ARFIP1: variants seen among roughly 807,000 people sequenced by gnomAD.
ARFIP1 encodes the protein ARF interacting protein 1.
Under a neutral mutation model 42.5 loss-of-function variants are expected in ARFIP1, and 24 were observed. The ratio of observed to expected loss-of-function variants is 0.57; its 90% CI spans 0.41 to 0.80. The LOEUF (loss-of-function observed/expected upper bound fraction) is 0.80. ARFIP1 is among the 30% of genes least tolerant of loss of function. The pLI is 0.00. For missense variants in ARFIP1, 354 were observed against 434.0 expected, an observed-to-expected ratio of 0.82 and a Z score of 1.64; for synonymous variants, 141 against 153.7, an observed-to-expected ratio of 0.92 and a Z score of 0.61.
At chr4:152,906,866 C>T (rs948512072) in intron 8 of ARFIP1, among the ~76,000 whole-genome samples, 5 of 152,110 alleles carry the variant, frequency 3.3e-5, no homozygotes, top group Non-Finnish European at 7.4e-5. Flanking sequence ...TACCTCAGGC[C>T]GTTTGAACTT....
intron 1 of ARFIP1, among the ~76,000 whole-genome samples, chr4:152,781,997 T>G (rs1017102894): frequency 5.9e-5 from 9 of 152,256 alleles, no homozygotes; most frequent in Admixed American, 5.2e-4. Context: ...CTTGATAGAT[T>G]AAAACCACCA....
chr4:152,806,899 C>T (rs11940842), intron 1 of ARFIP1, among the ~76,000 whole-genome samples: 1,735 of 150,992 alleles, frequency 0.011, 35 homozygotes, highest in African/African-American at 0.041. Flanking sequence ...AATGCAGTGG[C>T]AGAATCATAG....
intron 2 of ARFIP1, among the ~76,000 whole-genome samples, chr4:152,847,121 G>GTTTTTTTTTTTTTTTT (rs1561139273): frequency 1.9e-4 from 9 of 48,160 alleles, no homozygotes; most frequent in East Asian, 5.2e-4. Flanking sequence ...TTTTAGGTTT[G>GTTTTTTTTTTTTTTTT]TTCTTTTTTT....
At chr4:152,837,261 G>A (rs1731728597) in intron 2 of ARFIP1, among the ~76,000 whole-genome samples, 1 of 151,944 alleles carries the variant, frequency 6.6e-6, no homozygotes, top group Non-Finnish European at 1.5e-5. Context: ...TATCTTTTTT[G>A]CATGACTTCT....
intron 1 of ARFIP1, among the ~76,000 whole-genome samples, chr4:152,798,230 T>A (rs1731592290): frequency 7.2e-6 from 1 of 139,346 alleles, no homozygotes; most frequent in South Asian, 2.3e-4. Flanking sequence ...GCCACTGCAC[T>A]CCAGCCTGGG....
intron 2 of ARFIP1, among the ~76,000 whole-genome samples, chr4:152,842,283 T>C (rs969638498): frequency 2.7e-5 from 4 of 146,768 alleles, no homozygotes; most frequent in Non-Finnish European, 6.0e-5. Flanking sequence ...TTGTGTCCCC[T>C]CCCTTTGTAT....
chr4:152,788,869 G>A (rs1371582502), intron 1 of ARFIP1, among the ~76,000 whole-genome samples: 1 of 115,168 alleles, frequency 8.7e-6, no homozygotes, highest in Non-Finnish European at 1.7e-5. Flanking sequence ...TAGTGGTCAT[G>A]TATCCTTTCA....
At chr4:152,900,091 C>T (rs1022725483) in intron 8 of ARFIP1, among the ~76,000 whole-genome samples, 2 of 150,090 alleles carry the variant, frequency 1.3e-5, no homozygotes, top group Admixed American at 6.6e-5. Context: ...ATATTGATCA[C>T]GTCTAAACTT....
rs145866674 is a variant in ARFIP1 at position 152,885,246 on chromosome 4, T to C, written c.791+2366T>C. On this transcript the variant is annotated intron_variant, in intron 7 of 8. Coordinates refer to ENST00000353617, the MANE Select transcript of ARFIP1 (RefSeq NM_001025595.3). The stretch of plus-strand genomic sequence containing the variant: ...TTACTGACTTTTAGGGCAAGGGTCA[T>C]CTATTTGATCAGTGCAAAAAGTGGT... Among the ~76,000 whole-genome samples, 100 of 152,218 alleles carry C rather than the reference T, an allele frequency of 6.6e-4. 1 individual carries two copies. Among genetic ancestry groups the C allele is most frequent in the African/African-American group, 2.1e-3 (87 of 41,570 alleles).
At chr4:152,868,930 T>C (rs1734638860) in intron 3 of ARFIP1, among the ~76,000 whole-genome samples, 1 of 152,200 alleles carries the variant, frequency 6.6e-6, no homozygotes. Flanking sequence ...CTATTTTAAC[T>C]TCTCTGGGCT....
At chr4:152,850,602 C>A (rs1409279656) in intron 2 of ARFIP1, 1 of 152,158 alleles carries the variant, frequency 6.6e-6, no homozygotes, top group Non-Finnish European at 1.5e-5. Context: ...ATCAGAATCA[C>A]CTGATTTCCT....
At chr4:152,860,478 C>T (rs1464129051) in intron 2 of ARFIP1, among the ~76,000 whole-genome samples, 2 of 152,198 alleles carry the variant, frequency 1.3e-5, no homozygotes, top group African/African-American at 4.8e-5. Flanking sequence ...AAACTCCACC[C>T]TGTATCTCTC....
At chr4:152,847,246 C>T (rs1012757207) in intron 2 of ARFIP1, among the ~76,000 whole-genome samples, 11 of 148,262 alleles carry the variant, frequency 7.4e-5, no homozygotes, top group African/African-American at 2.5e-4. Context: ...TGTTCTCCTG[C>T]CTCAGCCTCC....
At chr4:152,787,186 A>AT (rs1305863001) in intron 1 of ARFIP1, among the ~76,000 whole-genome samples, 1 of 152,236 alleles carries the variant, frequency 6.6e-6, no homozygotes, top group African/African-American at 2.4e-5. Flanking sequence ...AGTTAATGGT[A>AT]TTAAGGATTT....
chr4:152,829,521 A>T (rs1023493567), intron 1 of ARFIP1, 104 bp from the exon 2 acceptor site: 2 of 638,716 alleles, frequency 3.1e-6, no homozygotes, highest in Non-Finnish European at 5.2e-6. Flanking sequence ...GTAGGTTGCA[A>T]TGATAAAAAA....
intron 3 of ARFIP1, among the ~76,000 whole-genome samples, chr4:152,865,498 T>G (rs1734253354): frequency 6.6e-6 from 1 of 152,222 alleles, no homozygotes; most frequent in African/African-American, 2.4e-5. Context: ...GTTTAGATTT[T>G]GAAGTATATT....
intron 2 of ARFIP1, among the ~76,000 whole-genome samples, chr4:152,857,062 CG>C (rs1208325469): frequency 6.6e-6 from 1 of 152,108 alleles, no homozygotes; most frequent in Non-Finnish European, 1.5e-5. Context: ...CTTGGAGACT[CG>C]GTTTAAAAAT....
At chr4:152,894,161 T>A (rs1322714957) in intron 8 of ARFIP1, among the ~76,000 whole-genome samples, 2 of 147,556 alleles carry the variant, frequency 1.4e-5, no homozygotes, top group Non-Finnish European at 3.0e-5. Flanking sequence ...TGAGCCGAGA[T>A]CGCGCCACTA....
intron 5 of ARFIP1, among the ~76,000 whole-genome samples, chr4:152,872,958 AATAAC>A (rs1338338074): frequency 6.6e-6 from 1 of 152,222 alleles, no homozygotes; most frequent in Non-Finnish European, 1.5e-5. Flanking sequence ...ATTTTACTAT[AATAAC>A]TAAGCATTAA....
Sources: gnomAD v4.1 joint callset for allele counts (sites outside exome capture counted in the v4.1 genomes callset) on GRCh38, gnomAD v4.1.1 for gene constraint, MANE v1.5 for transcripts, NCBI Gene and HGNC (gene_info 2026-07-23, HGNC 2026-07-21) for gene names.